TMTC2: variants seen among roughly 807,000 people sequenced by gnomAD.
The protein encoded by TMTC2 is protein O-mannosyl-transferase TMTC2.
Under a neutral mutation model 82.4 loss-of-function variants are expected in TMTC2, and 43 were observed. That is an observed-to-expected ratio of 0.52 (90% CI 0.41 to 0.67). TMTC2 has a LOEUF of 0.67. Ranked by LOEUF, TMTC2 falls within the 30% of genes least tolerant of loss-of-function variation. The pLI, the probability that TMTC2 is intolerant of heterozygous loss-of-function variation, is 0.00. For synonymous variants in TMTC2, 408 were observed against 381.9 expected (o/e 1.07, Z -0.80); for missense variants, 919 against 1,012.4 (o/e 0.91, Z 1.25).
At chr12:82,761,753 G>A (rs1041791477) in intron 1 of TMTC2, among the ~76,000 whole-genome samples, 4 of 152,118 alleles carry the variant, frequency 2.6e-5, no homozygotes, top group African/African-American at 9.7e-5. Flanking sequence ...TTTTCTGTCA[G>A]TGAAGGGTTT....
chr12:83,129,335 AAC>A (rs1315420871), intron 11 of TMTC2, among the ~76,000 whole-genome samples: 1 of 152,218 alleles, frequency 6.6e-6, no homozygotes, highest in Non-Finnish European at 1.5e-5. Context: ...TTTAATGAGT[AAC>A]ACACTGGTGT....
chr12:82,885,270 A>G (rs545884924), intron 2 of TMTC2, among the ~76,000 whole-genome samples: 1 of 152,052 alleles, frequency 6.6e-6, no homozygotes, highest in South Asian at 2.1e-4. Context: ...ATGTCTTTCC[A>G]TTGGAATTTG....
intron 11 of TMTC2, among the ~76,000 whole-genome samples, chr12:83,068,792 T>A (rs556071481): frequency 1.3e-5 from 2 of 152,216 alleles, no homozygotes; most frequent in Admixed American, 6.5e-5. Context: ...TTTGTGAGAT[T>A]TTGGTGAACC....
chr12:82,847,443 G>A (rs998472082), intron 1 of TMTC2, among the ~76,000 whole-genome samples: 16 of 152,088 alleles, frequency 1.1e-4, no homozygotes, highest in Admixed American at 3.9e-4. Context: ...TCCCATTACT[G>A]GGTATATACC....
intron 1 of TMTC2, among the ~76,000 whole-genome samples, chr12:82,700,332 A>G (rs1873016482): frequency 6.6e-6 from 1 of 152,342 alleles, no homozygotes; most frequent in East Asian, 1.9e-4. Context: ...CTTTTAAATT[A>G]TTCATTAATG....
intron 1 of TMTC2, among the ~76,000 whole-genome samples, chr12:82,719,059 T>TTATATATATATATATA (rs1271920285): frequency 4.6e-4 from 43 of 94,434 alleles, no homozygotes; most frequent in East Asian, 3.6e-3. Flanking sequence ...TTAGATGATT[T>TTATATATATATATATA]TATATATATA....
At chr12:82,748,553 C>T (rs987596089) in intron 1 of TMTC2, among the ~76,000 whole-genome samples, 5 of 152,006 alleles carry the variant, frequency 3.3e-5, no homozygotes, top group African/African-American at 1.2e-4. Flanking sequence ...AAGAGGTACT[C>T]CCTAAGCAAA....
At chr12:82,725,097 G>T (rs1198686412) in intron 1 of TMTC2, among the ~76,000 whole-genome samples, 1 of 151,878 alleles carries the variant, frequency 6.6e-6, no homozygotes, top group Admixed American at 6.6e-5. Flanking sequence ...TGATTAAGAG[G>T]CCTTTCTCCT....
chr12:82,974,966 A>C (rs1349940556), intron 7 of TMTC2, among the ~76,000 whole-genome samples: 3 of 152,076 alleles, frequency 2.0e-5, no homozygotes, highest in African/African-American at 7.2e-5. Context: ...TCTAGATTTT[A>C]TGCCCTGCTG....
intron 1 of TMTC2, among the ~76,000 whole-genome samples, chr12:82,712,415 G>T (rs1265245321): frequency 8.5e-6 from 1 of 117,404 alleles, no homozygotes; most frequent in East Asian, 2.8e-4. Context: ...GGGCAGAAGA[G>T]TGAAACTCCG....
chr12:82,759,495 A>G (rs1197842126), intron 1 of TMTC2: 1 of 152,220 alleles, frequency 6.6e-6, no homozygotes, highest in African/African-American at 2.4e-5. Context: ...AAGAGGATAC[A>G]CTGGAACATT....
intron 9 of TMTC2, among the ~76,000 whole-genome samples, chr12:83,033,094 TCCTACTTTG>T (rs576863617): frequency 2.1e-3 from 321 of 152,286 alleles, no homozygotes; most frequent in African/African-American, 7.6e-3. Flanking sequence ...CAATATTTTC[TCCTACTTTG>T]GAGTTGGTAA....
chr12:82,723,908 C>T (rs1874323279), intron 1 of TMTC2, among the ~76,000 whole-genome samples: 1 of 152,154 alleles, frequency 6.6e-6, no homozygotes, highest in South Asian at 2.1e-4. Flanking sequence ...AGTTCCAGCC[C>T]CACTTTGTCA....
chr12:83,124,667 T>A (rs1468831105), intron 11 of TMTC2, among the ~76,000 whole-genome samples: 1 of 151,726 alleles, frequency 6.6e-6, no homozygotes, highest in East Asian at 1.9e-4. Context: ...AAAGAGCCCA[T>A]GACAGAAATA....
chr12:82,981,135 TTACTG>T (rs1878897037), intron 7 of TMTC2, among the ~76,000 whole-genome samples: 1 of 151,908 alleles, frequency 6.6e-6, no homozygotes, highest in Admixed American at 6.6e-5. Flanking sequence ...CATTTAACAA[TTACTG>T]TAGGAGTTGA....
At chr12:82,993,690 C>T (rs1777141591) in intron 8 of TMTC2, among the ~76,000 whole-genome samples, 2 of 152,118 alleles carry the variant, frequency 1.3e-5, no homozygotes, top group African/African-American at 4.8e-5. Flanking sequence ...CCGCTCTAAC[C>T]CTCACATTGT....
chr12:82,766,783 C>CTATTTATTTATT (rs10645376), intron 1 of TMTC2, among the ~76,000 whole-genome samples: 51 of 151,394 alleles, frequency 3.4e-4, no homozygotes, highest in African/African-American at 1.2e-3. Flanking sequence ...GTTGATTCTT[C>CTATTTATTTATT]TATTTATTTA....
chr12:82,930,513 C>T lies in TMTC2; in HGVS notation c.1566C>T (p.Tyr522=). ...AESAYRNALY[Y]RSNMADMLYN... is the part of the protein sequence containing the mutation. ...GCGCCTATAGAAATGCTTTGTACTA[C>T]CGCAGCAACATGGCTGACATGCTTT... The change falls in exon 4 of 12, where the codon TAC becomes TAT. Residue 522 remains tyrosine (Y), a synonymous_variant. Transcript: ENST00000321196. The T allele has an allele frequency of 6.2e-7, 1 of 1,600,026 alleles. No homozygotes were observed. Among genetic ancestry groups the T allele is most frequent in the Non-Finnish European group, 8.6e-7 (1 of 1,169,382 alleles).
intron 1 of TMTC2, among the ~76,000 whole-genome samples, chr12:82,711,618 G>T (rs4882522): frequency 0.057 from 8,688 of 152,082 alleles, 479 homozygotes; most frequent in East Asian, 0.12. Context: ...TTACAGCATA[G>T]TAAAATCTGG....
Sources: gnomAD v4.1 joint callset for allele counts (sites outside exome capture counted in the v4.1 genomes callset) on GRCh38, gnomAD v4.1.1 for gene constraint, MANE v1.5 for transcripts, NCBI Gene and HGNC (gene_info 2026-07-23, HGNC 2026-07-21) for gene names.